MSH3: variants seen among roughly 807,000 people sequenced by gnomAD.
MSH3 encodes mutS homolog 3.
Under a neutral mutation model 123.3 loss-of-function variants are expected in MSH3, and 106 were observed. The observed-to-expected ratio is 0.86, with a 90% CI of 0.73 to 1.01. The LOEUF (loss-of-function observed/expected upper bound fraction) is 1.01. Ranked by LOEUF, MSH3 falls within the 50% of genes least tolerant of loss-of-function variation. The probability of loss-of-function intolerance (pLI) is 0.00; values close to 1 mark genes in which losing one functional copy is unlikely to be tolerated. For synonymous variants in MSH3, 515 were observed against 481.4 expected (o/e 1.07, Z -0.91); for missense variants, 1,459 against 1,347.6 (o/e 1.08, Z -1.29).
chr5:80,787,259 T>C (rs945555487), intron 17 of MSH3, among the ~76,000 whole-genome samples: 5 of 152,240 alleles, frequency 3.3e-5, no homozygotes, highest in Admixed American at 6.5e-5. Context: ...ATGACTGCTA[T>C]ATTTATGTTA....
intron 20 of MSH3, among the ~76,000 whole-genome samples, chr5:80,828,873 C>G (rs1745370888): frequency 6.6e-6 from 1 of 152,188 alleles, no homozygotes; most frequent in Non-Finnish European, 1.5e-5. Context: ...ACCACCTAGG[C>G]TTTCCTGGGC....
chr5:80,723,114 T>TAAAC (rs1751121678), intron 8 of MSH3, among the ~76,000 whole-genome samples: 1 of 150,702 alleles, frequency 6.6e-6, no homozygotes, highest in South Asian at 2.1e-4. Context: ...AATAAATAAA[T>TAAAC]AAATAAATAA....
At chr5:80,682,495 G>A (rs960893028) in intron 8 of MSH3, among the ~76,000 whole-genome samples, 2 of 151,980 alleles carry the variant, frequency 1.3e-5, no homozygotes, top group South Asian at 2.1e-4. Context: ...CAAGTCAGGC[G>A]GATCACAAGA....
intron 13 of MSH3, among the ~76,000 whole-genome samples, chr5:80,762,845 T>TTTATG (rs1386769971): frequency 8.3e-4 from 107 of 129,166 alleles, no homozygotes; most frequent in African/African-American, 3.3e-3. Flanking sequence ...TTTATGTTAT[T>TTTATG]TTATTTTATT....
intron 3 of MSH3, among the ~76,000 whole-genome samples, chr5:80,668,628 A>G (rs945000831): frequency 2.6e-5 from 4 of 152,186 alleles, no homozygotes; most frequent in Non-Finnish European, 4.4e-5. Context: ...GGGTGCTGGG[A>G]GCTGGGAGAG....
At chr5:80,720,494 T>C (rs1417714647) in intron 8 of MSH3, among the ~76,000 whole-genome samples, 4 of 152,186 alleles carry the variant, frequency 2.6e-5, no homozygotes, top group Admixed American at 2.6e-4. Flanking sequence ...TTCTTATCTT[T>C]ATTATCTGTA....
intron 2 of MSH3, among the ~76,000 whole-genome samples, chr5:80,658,037 C>CTTTTTTTTTTTTT (rs397942439): frequency 0.15 from 17,876 of 115,750 alleles, 4,329 homozygotes; most frequent in African/African-American, 0.4. Flanking sequence ...TTTTTGCCCT[C>CTTTTTTTTTTTTT]TTTTTTTTTT....
rs6151724 is a variant in MSH3, at chr5:80,725,083, G to A, written c.1341-370G>A. 6.3e-3 allele frequency among the ~76,000 whole-genome samples: 949 copies of A among 151,736 alleles called. 7 individuals carry two copies. The highest frequency in any genetic ancestry group is 0.022 in the African/African-American group (915 of 41,408). On this transcript the variant is annotated intron_variant, in intron 8 of 23. Transcript: ENST00000265081. ...CAAAAAATTAGCTGGGCGTGATGGCGGGCACCTGTAGCTTCAGCTACTCGG... is the reference window on the plus strand; with the variant it reads ...CAAAAAATTAGCTGGGCGTGATGGCAGGCACCTGTAGCTTCAGCTACTCGG...
chr5:80,840,769 G>A (rs554210085), intron 20 of MSH3, among the ~76,000 whole-genome samples: 21 of 143,154 alleles, frequency 1.5e-4, no homozygotes, highest in Admixed American at 2.1e-4. Flanking sequence ...AACAGGCCCC[G>A]GTGTGTGATG....
chr5:80,709,114 A>G (rs781456648), intron 8 of MSH3, among the ~76,000 whole-genome samples: 2 of 152,004 alleles, frequency 1.3e-5, no homozygotes, highest in Non-Finnish European at 2.9e-5. Flanking sequence ...TATTTATCAC[A>G]TAATAGAAAT....
intron 3 of MSH3, among the ~76,000 whole-genome samples, chr5:80,667,115 CA>C (rs1305118143): frequency 1.3e-5 from 2 of 152,052 alleles, no homozygotes; most frequent in Non-Finnish European, 2.9e-5. Flanking sequence ...GCTTAATATT[CA>C]AGTATTTAGA....
chr5:80,773,688 A>G (rs561119567), intron 15 of MSH3, among the ~76,000 whole-genome samples: 3 of 152,286 alleles, frequency 2.0e-5, no homozygotes, highest in Non-Finnish European at 4.4e-5. Flanking sequence ...TGACAACCAC[A>G]CAGTTTCTGG....
In MSH3 at chr5:80,692,854, T is replaced by C. The variant is rs188473583; in HGVS notation, c.1340+13761T>C. Among the ~76,000 whole-genome samples the C allele has an allele frequency of 2.5e-3, 288 of 116,464 alleles. 4 individuals carry two copies. The highest frequency in any genetic ancestry group is 8.8e-3 in the African/African-American group (275 of 31,320). The allele number at this position is 116,464 out of a possible 152,430, so 76.4% of individuals were successfully genotyped here. ...ATGTATATGTTTAGATAAATATACATGCACATGTATATGTTTAGATAAATA... is the reference window on the plus strand; with the variant it reads ...ATGTATATGTTTAGATAAATATACACGCACATGTATATGTTTAGATAAATA... On this transcript the variant is annotated intron_variant, in intron 8 of 23. Transcript: ENST00000265081.
At chr5:80,860,111 CATATAT>C (rs3991215) in intron 21 of MSH3, among the ~76,000 whole-genome samples, 2 of 151,312 alleles carry the variant, frequency 1.3e-5, no homozygotes, top group South Asian at 4.2e-4. Context: ...TGTACATAAG[CATATAT>C]ATATATATAA....
chr5:80,732,062 A>G (rs188940847), intron 10 of MSH3, among the ~76,000 whole-genome samples: 48 of 152,314 alleles, frequency 3.2e-4, no homozygotes, highest in Admixed American at 2.7e-3. Flanking sequence ...ATTCTTAAGG[A>G]TGATTTAAGT....
chr5:80,732,416 T>C (rs774964901), intron 10 of MSH3, among the ~76,000 whole-genome samples: 2 of 152,148 alleles, frequency 1.3e-5, no homozygotes, highest in Non-Finnish European at 2.9e-5. Context: ...TAACATGTGG[T>C]GATTACCTTT....
chr5:80,842,385 C>A (rs1334097881), intron 20 of MSH3, among the ~76,000 whole-genome samples: 1 of 152,110 alleles, frequency 6.6e-6, no homozygotes, highest in Non-Finnish European at 1.5e-5. Context: ...CTTGGCAATG[C>A]AGGCTCTTTT....
At chr5:80,808,861 A>ATATATATATATATATCTATATATATATC (rs1554074141) in intron 19 of MSH3, among the ~76,000 whole-genome samples, 27 of 103,012 alleles carry the variant, frequency 2.6e-4, no homozygotes, top group South Asian at 7.6e-4. Flanking sequence ...TCTTCTTCAT[A>ATATATATATATATATCTATATATATATC]TATATATATA....
intron 18 of MSH3, among the ~76,000 whole-genome samples, chr5:80,788,888 A>G (rs1744561291): frequency 6.6e-6 from 1 of 152,062 alleles, no homozygotes; most frequent in South Asian, 2.1e-4. Flanking sequence ...TCTTTCCAGG[A>G]GGCATCTAGA....
Sources: allele counts gnomAD v4.1 joint callset (sites outside exome capture counted in the v4.1 genomes callset), GRCh38; gene constraint gnomAD v4.1.1; transcripts MANE v1.5; gene names NCBI Gene and HGNC (gene_info 2026-07-23, HGNC 2026-07-21).